FOXP1: variants seen among roughly 807,000 people sequenced by gnomAD.
FOXP1 encodes forkhead box P1.
FOXP1 carries 15 observed loss-of-function variants against 98.2 expected under a neutral mutation model. That is an observed-to-expected ratio of 0.15 (90% confidence interval 0.10 to 0.24). The LOEUF is 0.24. Among genes scored for constraint, FOXP1 ranks in the 10% least tolerant of loss-of-function variants. The pLI, the probability that FOXP1 is intolerant of heterozygous loss-of-function variation, is 1.00. For synonymous variants in FOXP1, 371 were observed against 314.5 expected, an observed-to-expected ratio of 1.18 and a Z score of -1.90; for missense variants, 633 against 848.5, an observed-to-expected ratio of 0.75 and a Z score of 3.15.
At chr3:71,411,169 T>C (rs1265739581) in intron 3 of FOXP1, among the ~76,000 whole-genome samples, 1 of 152,218 alleles carries the variant, frequency 6.6e-6, no homozygotes, top group East Asian at 1.9e-4. Context: ...ATAGGACGTC[T>C]ACAAATTTGT....
intron 14 of FOXP1, among the ~76,000 whole-genome samples, chr3:70,982,834 A>G (rs1443518774): frequency 3.9e-5 from 6 of 152,230 alleles, no homozygotes; most frequent in Non-Finnish European, 1.5e-5. Flanking sequence ...AAGTATTCCC[A>G]TAAGAACTCA....
intron 6 of FOXP1, among the ~76,000 whole-genome samples, chr3:71,159,576 T>TA (rs1414014109): frequency 1.3e-5 from 2 of 152,220 alleles, no homozygotes; most frequent in Non-Finnish European, 1.5e-5. Flanking sequence ...GAGAGCTTTT[T>TA]ACACAAATAA....
chr3:71,139,735 G>A (rs577571798), intron 6 of FOXP1, among the ~76,000 whole-genome samples: 29 of 152,282 alleles, frequency 1.9e-4, no homozygotes, highest in African/African-American at 7.0e-4. Flanking sequence ...AGCCAACCAA[G>A]TGGAGACAGG....
chr3:71,477,359 A>C (rs1025238858), intron 3 of FOXP1, among the ~76,000 whole-genome samples: 1 of 152,224 alleles, frequency 6.6e-6, no homozygotes, highest in Admixed American at 6.5e-5. Context: ...CAGAAACTGT[A>C]AAACTCTCGT....
intron 4 of FOXP1, among the ~76,000 whole-genome samples, chr3:71,314,387 G>A (rs755068533): frequency 1.7e-4 from 26 of 152,026 alleles, no homozygotes; most frequent in Non-Finnish European, 3.1e-4. Context: ...AATTAGCTGG[G>A]TGTGGTGGCG....
intron 4 of FOXP1, among the ~76,000 whole-genome samples, chr3:71,340,137 G>A (rs1486612598): frequency 2.0e-5 from 3 of 152,070 alleles, no homozygotes; most frequent in Non-Finnish European, 4.4e-5. Flanking sequence ...ATAACCCCCT[G>A]CCCCCCTATT....
intron 3 of FOXP1, among the ~76,000 whole-genome samples, chr3:71,413,793 A>G (rs2082983653): frequency 6.6e-6 from 1 of 152,176 alleles, no homozygotes; most frequent in African/African-American, 2.4e-5. Context: ...CCTAGAAAAA[A>G]ACAATGGAAG....
At chr3:71,321,923 A>G (rs1250120206) in intron 4 of FOXP1, among the ~76,000 whole-genome samples, 1 of 152,114 alleles carries the variant, frequency 6.6e-6, no homozygotes, top group Admixed American at 6.5e-5. Flanking sequence ...CCCAGCCTCA[A>G]TGTTATTTTT....
At chr3:71,165,681 C>T (rs977734209) in intron 6 of FOXP1, among the ~76,000 whole-genome samples, 8 of 152,124 alleles carry the variant, frequency 5.3e-5, no homozygotes, top group Middle Eastern at 3.4e-3. Flanking sequence ...GGACAGGTGT[C>T]GATTTAAGCC....
At chr3:71,317,475 G>GAA (rs1244144210) in intron 4 of FOXP1, among the ~76,000 whole-genome samples, 2 of 145,516 alleles carry the variant, frequency 1.4e-5, no homozygotes, top group African/African-American at 5.0e-5. Context: ...GGCCCCACTG[G>GAA]AAAAAAAAAA....
At chr3:71,182,132 C>T (rs2062347425) in intron 6 of FOXP1, among the ~76,000 whole-genome samples, 1 of 151,444 alleles carries the variant, frequency 6.6e-6, no homozygotes, top group African/African-American at 2.4e-5. Context: ...ATTTTTGTCA[C>T]AAAATGTTAG....
intron 3 of FOXP1, among the ~76,000 whole-genome samples, chr3:71,422,260 G>A (rs572818768): frequency 3.3e-4 from 51 of 152,274 alleles, no homozygotes; most frequent in African/African-American, 1.2e-3. Flanking sequence ...GCATAAACAC[G>A]AACTTCTCAA....
intron 11 of FOXP1, among the ~76,000 whole-genome samples, chr3:71,021,419 T>C (rs777673397): frequency 6.6e-6 from 1 of 152,234 alleles, no homozygotes; most frequent in South Asian, 2.1e-4. Flanking sequence ...TGTACATACA[T>C]AGCACATTTA....
intron 6 of FOXP1, among the ~76,000 whole-genome samples, chr3:71,137,722 G>A (rs1465791964): frequency 1.3e-5 from 2 of 151,934 alleles, no homozygotes; most frequent in African/African-American, 4.8e-5. Context: ...AATAACATCC[G>A]AATGCATCTG....
At chr3:71,540,767 T>C (rs1004883549) in intron 2 of FOXP1, among the ~76,000 whole-genome samples, 1 of 152,218 alleles carries the variant, frequency 6.6e-6, no homozygotes, top group Admixed American at 6.5e-5. Context: ...CTATGCTGAA[T>C]ATGTATGAAT....
chr3:71,213,892 C>G (rs1289478797), intron 5 of FOXP1, among the ~76,000 whole-genome samples: 1 of 152,148 alleles, frequency 6.6e-6, no homozygotes. Context: ...AAAATGGTAA[C>G]ATTGTGTTAC....
intron 4 of FOXP1, among the ~76,000 whole-genome samples, chr3:71,350,838 C>A (rs972504886): frequency 1.3e-5 from 2 of 152,160 alleles, no homozygotes; most frequent in African/African-American, 4.8e-5. Flanking sequence ...AGTTCTGTCT[C>A]CTTCTGAAAC....
chr3:71,141,815 T>G (rs1263061678), intron 6 of FOXP1, among the ~76,000 whole-genome samples: 1 of 152,182 alleles, frequency 6.6e-6, no homozygotes, highest in African/African-American at 2.4e-5. Flanking sequence ...TTCTCATTTT[T>G]AACCTACTCT....
chr3:71,049,972 A>G (rs1309685241), intron 9 of FOXP1, among the ~76,000 whole-genome samples: 6 of 152,152 alleles, frequency 3.9e-5, no homozygotes, highest in Non-Finnish European at 8.8e-5. Context: ...AGGATATTCA[A>G]AGCAACCTAT....
Sources: gnomAD v4.1 joint callset for allele counts (sites outside exome capture counted in the v4.1 genomes callset) on GRCh38, gnomAD v4.1.1 for gene constraint, MANE v1.5 for transcripts, NCBI Gene and HGNC (gene_info 2026-07-23, HGNC 2026-07-21) for gene names.